The following MTA3 variants were observed in gnomAD, a reference collection of about 807,000 sequenced individuals.
MTA3 encodes the protein metastasis-associated protein MTA3.
Under a neutral mutation model 83.5 loss-of-function variants are expected in MTA3, and 34 were observed. The ratio of observed to expected loss-of-function variants is 0.41; its 90% CI spans 0.31 to 0.54. MTA3 has a LOEUF of 0.54. MTA3 is among the 20% of genes least tolerant of loss of function. The pLI is 0.33. For missense variants in MTA3, 761 were observed against 726.4 expected (o/e 1.05, Z -0.55); for synonymous variants, 303 against 252.7 (o/e 1.20, Z -1.89).
At chr2:42,709,864 C>G (rs935376228) in intron 14 of MTA3, among the ~76,000 whole-genome samples, 1 of 152,156 alleles carries the variant, frequency 6.6e-6, no homozygotes, top group Non-Finnish European at 1.5e-5. Context: ...CACATTTGGT[C>G]TTGCTTATCT....
rs546043762 is a variant in MTA3 at position 42,695,859 on chromosome 2, T to A, written c.966+20T>A. ...CAACAGGTAATTTTTTTCATATTGC[T>A]ACCAATATGGTTGCATTTAAGTGAA... On this transcript the variant is annotated intron_variant, in intron 10 of 16. Coordinates refer to ENST00000405094, the MANE Select transcript of MTA3 (RefSeq NM_001330442.2). The A allele has an allele frequency of 4.2e-6, 6 of 1,442,820 alleles. No homozygotes were observed. Among genetic ancestry groups the A allele is most frequent in the Non-Finnish European group, 4.8e-6 (5 of 1,049,576 alleles). 89.4% of individuals were successfully genotyped at this position (1,442,820 alleles called of 1,614,324 possible).
intron 2 of MTA3, among the ~76,000 whole-genome samples, chr2:42,559,024 C>T (rs989102077): frequency 6.6e-6 from 1 of 152,148 alleles, no homozygotes; most frequent in Non-Finnish European, 1.5e-5. Flanking sequence ...GCCCTCCTCT[C>T]CACCCACACT....
chr2:42,665,306 C>T (rs894248952), intron 8 of MTA3, among the ~76,000 whole-genome samples: 5 of 152,084 alleles, frequency 3.3e-5, no homozygotes, highest in African/African-American at 4.8e-5. Context: ...GCAGGAGAAT[C>T]GCTTGAATCA....
At chr2:42,510,037 A>G (rs796953786) in intron 2 of MTA3, among the ~76,000 whole-genome samples, 3 of 152,120 alleles carry the variant, frequency 2.0e-5, no homozygotes, top group African/African-American at 7.2e-5. Context: ...GTTTAAAAGC[A>G]CTGCAGAGCT....
chr2:42,678,561 T>A (rs1691589033), intron 8 of MTA3, among the ~76,000 whole-genome samples: 1 of 152,102 alleles, frequency 6.6e-6, no homozygotes, highest in Admixed American at 6.5e-5. Context: ...ACTCCTGACC[T>A]CAAGTGATCC....
At chr2:42,526,009 G>A (rs948448557) in intron 2 of MTA3, among the ~76,000 whole-genome samples, 5 of 151,970 alleles carry the variant, frequency 3.3e-5, no homozygotes, top group Admixed American at 2.0e-4. Context: ...GAACCCCCTC[G>A]TTAATGCCTT....
chr2:42,673,304 G>A (rs942408945), intron 8 of MTA3, among the ~76,000 whole-genome samples: 1 of 152,156 alleles, frequency 6.6e-6, no homozygotes, highest in Non-Finnish European at 1.5e-5. Context: ...AGGTATATAT[G>A]TGAAGTTTTT....
At chr2:42,522,585 C>T (rs570071068) in intron 2 of MTA3, among the ~76,000 whole-genome samples, 23 of 152,110 alleles carry the variant, frequency 1.5e-4, no homozygotes, top group South Asian at 6.2e-4. Flanking sequence ...TGCTTGAGCC[C>T]AGGAATTCTA....
intron 8 of MTA3, among the ~76,000 whole-genome samples, chr2:42,669,521 G>T (rs541411255): frequency 6.6e-6 from 1 of 152,250 alleles, no homozygotes; most frequent in East Asian, 1.9e-4. Flanking sequence ...TACTGTTCAT[G>T]TTTCCAAGGC....
At chr2:42,684,451 C>CTTAAATT (rs1311008659) in intron 9 of MTA3, among the ~76,000 whole-genome samples, 6 of 152,208 alleles carry the variant, frequency 3.9e-5, no homozygotes, top group African/African-American at 1.4e-4. Context: ...TTCACTCATA[C>CTTAAATT]TTAAATTGTT....
intron 6 of MTA3, among the ~76,000 whole-genome samples, chr2:42,644,770 A>G (rs974792633): frequency 5.3e-5 from 8 of 152,130 alleles, no homozygotes; most frequent in African/African-American, 1.9e-4. Flanking sequence ...AGAGGTAACT[A>G]TTGTAATTGT....
intron 2 of MTA3, among the ~76,000 whole-genome samples, chr2:42,575,753 T>C (rs980988380): frequency 6.6e-6 from 1 of 152,210 alleles, no homozygotes; most frequent in Non-Finnish European, 1.5e-5. Context: ...TGCATTGTTT[T>C]CTTGAGGCAC....
chr2:42,643,336 G>A (rs1434834175), intron 5 of MTA3, among the ~76,000 whole-genome samples: 1 of 152,150 alleles, frequency 6.6e-6, no homozygotes, highest in Non-Finnish European at 1.5e-5. Flanking sequence ...GTAGTGGAAA[G>A]CAGAAGATGG....
In MTA3 at chr2:42,754,626, T is replaced by C. The variant is rs990511872; in HGVS notation, c.*1227T>C. The C allele has an allele frequency of 1.0e-6, 1 of 985,336 alleles. No homozygotes were observed. The highest frequency in any genetic ancestry group is 1.7e-5 in the African/African-American group (1 of 57,218). The allele number at this position is 985,336 out of a possible 1,614,324, so 61.0% of individuals were successfully genotyped here. A position where few individuals can be genotyped will look rare whatever the true frequency, so the allele number is the denominator to read the frequency against. Reference sequence around the variant, plus strand: ...AGGCTGGCAACTCCCCTGCCCTCTGTTTGCAGGCACAGGGTCACAGTCCCA... The same window carrying C: ...AGGCTGGCAACTCCCCTGCCCTCTGCTTGCAGGCACAGGGTCACAGTCCCA... On this transcript the variant is annotated 3_prime_UTR_variant, in exon 17 of 17. Coordinates refer to ENST00000405094, the MANE Select transcript of MTA3 (RefSeq NM_001330442.2).
At chr2:42,648,907 G>C (rs1688451847) in intron 6 of MTA3, among the ~76,000 whole-genome samples, 1 of 152,184 alleles carries the variant, frequency 6.6e-6, no homozygotes, top group African/African-American at 2.4e-5. Flanking sequence ...ACTATACTAT[G>C]TTTTAATTGA....
chr2:42,744,124 C>G (rs1347159366), intron 16 of MTA3, among the ~76,000 whole-genome samples: 1 of 152,104 alleles, frequency 6.6e-6, no homozygotes, highest in East Asian at 1.9e-4. Context: ...GAATGGGAAG[C>G]AATATAGCGG....
At chr2:42,644,757 C>G (rs1300491350) in intron 6 of MTA3, among the ~76,000 whole-genome samples, 1 of 152,044 alleles carries the variant, frequency 6.6e-6, no homozygotes. Context: ...GATCAGTGAT[C>G]TTAGAGGTAA....
At chr2:42,535,511 G>C (rs1676187332) in intron 2 of MTA3, among the ~76,000 whole-genome samples, 1 of 152,156 alleles carries the variant, frequency 6.6e-6, no homozygotes, top group Admixed American at 6.5e-5. Flanking sequence ...ACAGGCCTGA[G>C]CCACTGCACC....
intron 2 of MTA3, among the ~76,000 whole-genome samples, chr2:42,521,585 T>C (rs1483034626): frequency 6.6e-6 from 1 of 152,144 alleles, no homozygotes; most frequent in African/African-American, 2.4e-5. Context: ...GATTTCCATA[T>C]TATTACACAG....
Sources: gnomAD v4.1 joint callset for allele counts (sites outside exome capture counted in the v4.1 genomes callset) on GRCh38, gnomAD v4.1.1 for gene constraint, MANE v1.5 for transcripts, NCBI Gene and HGNC (gene_info 2026-07-23, HGNC 2026-07-21) for gene names.